Variants in FSTL5 observed in about 807,000 individuals in gnomAD.
FSTL5 encodes follistatin-related protein 5.
A neutral mutation model predicts 89.1 loss-of-function variants in FSTL5; 62 were observed. The observed-to-expected ratio is 0.70, with a 90% CI of 0.57 to 0.86. The LOEUF (loss-of-function observed/expected upper bound fraction) is 0.86. FSTL5 is among the 40% of genes least tolerant of loss of function. The pLI is 0.00. For missense variants in FSTL5, 1,057 were observed against 1,001.6 expected (o/e 1.06, Z -0.75); for synonymous variants, 383 against 346.2 (o/e 1.11, Z -1.18).
chr4:161,767,579 G>A (rs1402787320), intron 5 of FSTL5, among the ~76,000 whole-genome samples: 3 of 152,122 alleles, frequency 2.0e-5, no homozygotes, highest in Admixed American at 2.0e-4. Context: ...TAGCTTAAGA[G>A]AAGGAATACA....
At chr4:161,910,483 GTA>G (rs1351188207) in intron 4 of FSTL5, among the ~76,000 whole-genome samples, 2 of 151,996 alleles carry the variant, frequency 1.3e-5, no homozygotes, top group Non-Finnish European at 2.9e-5. Flanking sequence ...CTATATACCT[GTA>G]TATATACTCT....
At chr4:161,977,445 T>C (rs1735680680) in intron 3 of FSTL5, among the ~76,000 whole-genome samples, 1 of 151,258 alleles carries the variant, frequency 6.6e-6, no homozygotes, top group Admixed American at 6.6e-5. Context: ...ACCCCGTCTC[T>C]ACTAAAAAAT....
intron 3 of FSTL5, among the ~76,000 whole-genome samples, chr4:162,032,270 A>T (rs567289898): frequency 1.3e-5 from 2 of 152,124 alleles, no homozygotes; most frequent in Non-Finnish European, 2.9e-5. Context: ...CCTTCATGAG[A>T]AGGAAGATGC....
chr4:161,664,267 A>G (rs910702638), intron 6 of FSTL5, among the ~76,000 whole-genome samples: 6 of 152,188 alleles, frequency 3.9e-5, no homozygotes, highest in African/African-American at 1.4e-4. Context: ...TTTCTATCGC[A>G]TAGTCAGGCT....
intron 4 of FSTL5, among the ~76,000 whole-genome samples, chr4:161,806,071 C>T (rs1729956314): frequency 6.6e-6 from 1 of 152,056 alleles, no homozygotes; most frequent in Non-Finnish European, 1.5e-5. Context: ...TTTCTGGCAT[C>T]TACTGGGGGT....
intron 1 of FSTL5, among the ~76,000 whole-genome samples, chr4:162,148,457 G>A (rs575308753): frequency 6.6e-6 from 1 of 152,022 alleles, no homozygotes; most frequent in Non-Finnish European, 1.5e-5. Context: ...ATTCCAGTGA[G>A]TCCTCAAATT....
At chr4:161,850,098 T>C (rs1383467195) in intron 4 of FSTL5, among the ~76,000 whole-genome samples, 1 of 152,162 alleles carries the variant, frequency 6.6e-6, no homozygotes, top group Non-Finnish European at 1.5e-5. Flanking sequence ...AAAATATGTA[T>C]TACAGAAATT....
chr4:161,688,560 A>G (rs1315261664), intron 6 of FSTL5, among the ~76,000 whole-genome samples: 3 of 152,236 alleles, frequency 2.0e-5, no homozygotes, highest in Non-Finnish European at 4.4e-5. Context: ...CACCTCTGGA[A>G]TGGAAGGTTG....
At chr4:161,677,275 G>A (rs1481310042) in intron 6 of FSTL5, among the ~76,000 whole-genome samples, 3 of 150,800 alleles carry the variant, frequency 2.0e-5, no homozygotes, top group Non-Finnish European at 4.4e-5. Context: ...AAGAGAGCCC[G>A]AGAGAGAGAG....
At chr4:161,887,382 CTCTA>C (rs1470941417) in intron 4 of FSTL5, among the ~76,000 whole-genome samples, 6 of 134,894 alleles carry the variant, frequency 4.4e-5, no homozygotes, top group South Asian at 4.8e-4. Flanking sequence ...TTTGTATTAT[CTCTA>C]TCTATCATCT....
At chr4:161,573,136 G>A (rs1452939417) in intron 8 of FSTL5, among the ~76,000 whole-genome samples, 2 of 152,128 alleles carry the variant, frequency 1.3e-5, no homozygotes, top group African/African-American at 4.8e-5. Flanking sequence ...TTGGTCAGGC[G>A]TGGTGGCCCA....
At chr4:161,438,499 T>C (rs938503672) in intron 15 of FSTL5, among the ~76,000 whole-genome samples, 5 of 152,180 alleles carry the variant, frequency 3.3e-5, no homozygotes, top group African/African-American at 1.2e-4. Context: ...CTTTTATGTC[T>C]TGCTGATGAT....
chr4:161,828,417 A>ATGTAGTTCTAGATGTG (rs1730736438), intron 4 of FSTL5, among the ~76,000 whole-genome samples: 1 of 152,108 alleles, frequency 6.6e-6, no homozygotes, highest in African/African-American at 2.4e-5. Context: ...TTCTAGATGT[A>ATGTAGTTCTAGATGTG]TGTGTTTCCA....
Position 161,789,660 on chromosome 4 carries a change from C to T in FSTL5, c.410-13586G>A, listed in dbSNP as rs575244603. Among the ~76,000 whole-genome samples the T allele has an allele frequency of 3.9e-5, 6 of 152,116 alleles. No homozygotes were observed. The South Asian group carries it at 1.0e-3, about 26-fold the overall frequency. On this transcript the variant is annotated intron_variant, in intron 4 of 15. Transcript: ENST00000306100. ...AATAATGAGCTAATTTAATATTTAA[C>T]GTGTGTTCATTTCTATCCACATGAT...
intron 7 of FSTL5, among the ~76,000 whole-genome samples, chr4:161,640,395 C>G (rs1488298091): frequency 6.6e-6 from 1 of 151,948 alleles, no homozygotes; most frequent in African/African-American, 2.4e-5. Context: ...TCTAGTTTCT[C>G]AAAGAACTAA....
At chr4:162,021,240 A>G (rs1447692565) in intron 3 of FSTL5, among the ~76,000 whole-genome samples, 1 of 152,154 alleles carries the variant, frequency 6.6e-6, no homozygotes, top group East Asian at 1.9e-4. Context: ...ATATAGGTCT[A>G]TCCCAAAATA....
chr4:162,078,166 G>C (rs944861896), intron 2 of FSTL5, among the ~76,000 whole-genome samples: 1 of 151,878 alleles, frequency 6.6e-6, no homozygotes, highest in Non-Finnish European at 1.5e-5. Context: ...GGAATAGACA[G>C]TAATCTGGAT....
chr4:161,408,095 C>T (rs535049970), intron 15 of FSTL5, among the ~76,000 whole-genome samples: 12 of 152,222 alleles, frequency 7.9e-5, no homozygotes, highest in South Asian at 2.1e-4. Flanking sequence ...TCCCTCCATC[C>T]GCAGGGTTGT....
At chr4:161,963,542 T>C (rs1212898533) in intron 3 of FSTL5, among the ~76,000 whole-genome samples, 2 of 151,932 alleles carry the variant, frequency 1.3e-5, no homozygotes, top group Non-Finnish European at 2.9e-5. Flanking sequence ...CGAACACTCA[T>C]ATAAACAAAG....
Sources: allele counts gnomAD v4.1 joint callset (sites outside exome capture counted in the v4.1 genomes callset), GRCh38; gene constraint gnomAD v4.1.1; transcripts MANE v1.5; gene names NCBI Gene and HGNC (gene_info 2026-07-23, HGNC 2026-07-21).